The following FAM227A variants were observed in gnomAD, a reference collection of about 807,000 sequenced individuals.
The protein encoded by FAM227A is protein FAM227A.
A neutral mutation model predicts 74.7 loss-of-function variants in FAM227A; 80 were observed. That is an observed-to-expected ratio of 1.07 (90% confidence interval 0.89 to 1.29). FAM227A has a LOEUF of 1.29. Ranked by LOEUF, FAM227A falls within the 50% of genes most tolerant of loss-of-function variation. FAM227A has a pLI of 0.00. For missense variants in FAM227A, 654 were observed against 683.4 expected, an observed-to-expected ratio of 0.96 and a Z score of 0.48; for synonymous variants, 237 against 241.8, an observed-to-expected ratio of 0.98 and a Z score of 0.19.
Position 38,597,271 on chromosome 22 carries a change from G to A in FAM227A, c.1465C>T (p.Gln489Ter). Residue 489 changes from glutamine (Q) to a stop codon, truncating the protein, a stop_gained, in exon 15 of 17, where the codon CAG (glutamine) becomes TAG (stop). Coordinates refer to ENST00000535113, the MANE Select transcript of FAM227A (RefSeq NM_001013647.2). LOFTEE classifies it high-confidence loss of function. ...TAATTCCATTCAGTCCAATGATGCT[G>A]GTACAACTGATTGAGGTTGTCTTTC... is the stretch of plus-strand genomic sequence containing the variant. Reference protein sequence around the residue: ...KRKDNLNQLYQHHWTEWNYFD... With the variant: ...KRKDNLNQLY The A allele has an allele frequency of 6.4e-7, 1 of 1,552,032 alleles. No individual in the cohort carries two copies. Among genetic ancestry groups the A allele is most frequent in the Non-Finnish European group, 8.7e-7 (1 of 1,147,008 alleles).
intron 4 of FAM227A, among the ~76,000 whole-genome samples, chr22:38,639,075 T>C (rs1328813174): frequency 6.6e-6 from 1 of 151,846 alleles, no homozygotes; most frequent in South Asian, 2.1e-4. Flanking sequence ...TCCTCATCTA[T>C]AAAATATATT....
At position 38,585,054 on chromosome 22, in the gene FAM227A, C is replaced by CA. The variant is rs1305953314; in HGVS notation, c.*1070dup. 2 of 152,058 alleles carry CA rather than the reference C, an allele frequency of 1.3e-5. No individual in the cohort carries two copies. The highest frequency in any genetic ancestry group is 2.9e-5 in the Non-Finnish European group (2 of 68,034). 9.4% of individuals were successfully genotyped at this position (152,058 alleles called of 1,614,324 possible). On this transcript the variant is annotated 3_prime_UTR_variant, in exon 17 of 17. Transcript: ENST00000535113. ...TCGTGATCTGCCCACTTCAGCCTCC[C>CA]AAAGTGCTGGGATTACAGGTGTGAG...
intron 12 of FAM227A, among the ~76,000 whole-genome samples, chr22:38,606,223 G>A (rs1365927926): frequency 6.6e-6 from 1 of 152,074 alleles, no homozygotes; most frequent in African/African-American, 2.4e-5. Flanking sequence ...CTTGAGTGCA[G>A]TGGCTCAATC....
chr22:38,608,400 G>A (rs2091336624), intron 11 of FAM227A, among the ~76,000 whole-genome samples: 1 of 151,768 alleles, frequency 6.6e-6, no homozygotes, highest in Admixed American at 6.6e-5. Flanking sequence ...TTCATATGGT[G>A]TTTCTAAGCA....
At position 38,650,109 on chromosome 22, in the gene FAM227A, C is replaced by T; in HGVS notation, c.60G>A (p.Val20=). The change falls in exon 2 of 17, where the codon GTG becomes GTA. Residue 20 remains valine, a synonymous_variant. Transcript: ENST00000535113. ...INLTTLPMIP[V]DEHLAVSLVA... ...CAAGCGAGACAGCCAGGTGCTCATC[C>T]ACTGGTATCATAGGTAGGGTGGTGA... The T allele has an allele frequency of 6.4e-7, 1 of 1,551,658 alleles. No homozygotes were observed. Among genetic ancestry groups the T allele is most frequent in the East Asian group, 2.4e-5 (1 of 40,930 alleles).
At chr22:38,591,367 A>C in intron 16 of FAM227A, 68 bp downstream of exon 16, 1 of 1,511,756 alleles carries the variant, frequency 6.6e-7, no homozygotes, top group Middle Eastern at 1.7e-4. Context: ...TTACATGTTC[A>C]CACTTCTACC....
rs370469522 is a variant in FAM227A at position 38,650,255 on chromosome 22, T to G, written c.-87A>C. On this transcript the variant is annotated 5_prime_UTR_variant, in exon 2 of 17. The change abolishes the stop of an existing upstream ORF in the 5' untranslated region. Transcript: ENST00000535113. ...CACTCCAATCTTGTCGTTTGTTTAA[T>G]CAGCCTCCTGGAAATCATAAACAGC... 72 of 1,351,870 alleles carry G rather than the reference T, an allele frequency of 5.3e-5. 1 individual carries two copies. In the Middle Eastern group the frequency reaches 9.4e-4, roughly 18 times the overall value. The allele number at this position is 1,351,870 out of a possible 1,614,324, so 83.7% of individuals were successfully genotyped here.
intron 11 of FAM227A, among the ~76,000 whole-genome samples, chr22:38,617,328 C>A (rs899534026): frequency 7.3e-6 from 1 of 137,832 alleles, no homozygotes; most frequent in African/African-American, 2.8e-5. Flanking sequence ...CAGAGTCTTG[C>A]TCCGTCACCA....
At chr22:38,652,232 C>T (rs1179843913) in intron 1 of FAM227A, among the ~76,000 whole-genome samples, 6 of 150,998 alleles carry the variant, frequency 4.0e-5, no homozygotes, top group African/African-American at 1.5e-4. Context: ...TCAGAAGAGG[C>T]GATATGAAAA....
At chr22:38,593,126 G>T (rs2090972787) in intron 15 of FAM227A, among the ~76,000 whole-genome samples, 1 of 152,244 alleles carries the variant, frequency 6.6e-6, no homozygotes, top group African/African-American at 2.4e-5. Flanking sequence ...TACGACTATT[G>T]GGAGAGACAG....
At chr22:38,646,248 CTTTTTTTTTTTTTTTTT>C (rs1165890437) in intron 2 of FAM227A, among the ~76,000 whole-genome samples, 6 of 82,394 alleles carry the variant, frequency 7.3e-5, no homozygotes, top group African/African-American at 2.1e-4. Context: ...TCCAGTATTT[CTTTTTTTTTTTTTTTTT>C]TTTTTTTTTT....
At chr22:38,630,189 T>G (rs186145882) in intron 6 of FAM227A, among the ~76,000 whole-genome samples, 1 of 152,260 alleles carries the variant, frequency 6.6e-6, no homozygotes, top group African/African-American at 2.4e-5. Context: ...GCCTCTCCTT[T>G]ACCATCAGCC....
At chr22:38,626,891 A>AAAAAAAAAAAAATAT (rs1555966996) in intron 8 of FAM227A, among the ~76,000 whole-genome samples, 2 of 57,688 alleles carry the variant, frequency 3.5e-5, no homozygotes, top group African/African-American at 1.8e-4. Context: ...AAAAAAAAAA[A>AAAAAAAAAAAAATAT]ATATATATAT....
intron 11 of FAM227A, among the ~76,000 whole-genome samples, chr22:38,612,272 A>G (rs1035063122): frequency 3.9e-4 from 59 of 152,174 alleles, no homozygotes; most frequent in African/African-American, 1.4e-3. Context: ...CCATATTCAT[A>G]TTCCTTTCTA....
intron 15 of FAM227A, among the ~76,000 whole-genome samples, chr22:38,593,582 C>T (rs1351059131): frequency 1.3e-5 from 2 of 152,092 alleles, no homozygotes; most frequent in Non-Finnish European, 2.9e-5. Context: ...AAGCAAAGAG[C>T]CCCAAAGAGC....
At chr22:38,626,097 T>C (rs1278947966) in intron 9 of FAM227A, 83 bp downstream of exon 9, 10 of 1,412,474 alleles carry the variant, frequency 7.1e-6, no homozygotes, top group Non-Finnish European at 9.7e-6. Context: ...AGGGGTGTCA[T>C]AGCAAACAAT....
rs1165890437 is a variant in FAM227A at position 38,646,248 on chromosome 22, CTTTTTTTTTTT to C, written c.143-614_143-604del. Among the ~76,000 whole-genome samples, 429 of 82,390 alleles carry C rather than the reference CTTTTTTTTTTT, an allele frequency of 5.2e-3. 2 individuals carry two copies. The highest frequency in any genetic ancestry group is 0.021 in the African/African-American group (395 of 19,024). The allele number at this position is 82,390 out of a possible 152,430, so 54.1% of individuals were successfully genotyped here. A position where few individuals can be genotyped will look rare whatever the true frequency, so the allele number is the denominator to read the frequency against. On this transcript the variant is annotated intron_variant, in intron 2 of 16. Coordinates refer to ENST00000535113, the MANE Select transcript of FAM227A (RefSeq NM_001013647.2). The stretch of plus-strand genomic sequence containing the variant: ...CTTGGGAATTTTCCTTCCAGTATTT[CTTTTTTTTTTT>C]TTTTTTTTTTTTTTTTTTGAGACGG...
chr22:38,629,451 C>T (rs1468923716), intron 6 of FAM227A, among the ~76,000 whole-genome samples: 1 of 152,256 alleles, frequency 6.6e-6, no homozygotes, highest in Admixed American at 6.5e-5. Flanking sequence ...AATAATATAA[C>T]ATGTACCATT....
chr22:38,649,565 CAA>C (rs1163806396), intron 2 of FAM227A, among the ~76,000 whole-genome samples: 2 of 129,648 alleles, frequency 1.5e-5, no homozygotes. Flanking sequence ...GACTCTGTCT[CAA>C]AAAAAAAAAA....
Sources: gnomAD v4.1 joint callset for allele counts (sites outside exome capture counted in the v4.1 genomes callset) on GRCh38, gnomAD v4.1.1 for gene constraint, MANE v1.5 for transcripts, NCBI Gene and HGNC (gene_info 2026-07-23, HGNC 2026-07-21) for gene names.